The following KPNA4 variants were observed in gnomAD, a reference collection of about 807,000 sequenced individuals.
The protein encoded by KPNA4 is importin subunit alpha-3.
Under a neutral mutation model 71.3 loss-of-function variants are expected in KPNA4, and 13 were observed. The ratio of observed to expected loss-of-function variants is 0.18; its 90% CI spans 0.12 to 0.29. The LOEUF (loss-of-function observed/expected upper bound fraction) is 0.29. Among genes scored for constraint, KPNA4 ranks in the 10% least tolerant of loss-of-function variants. The pLI is 1.00. For missense variants in KPNA4, 334 were observed against 603.2 expected, an observed-to-expected ratio of 0.55 and a Z score of 4.67; for synonymous variants, 189 against 195.2, an observed-to-expected ratio of 0.97 and a Z score of 0.26.
intron 1 of KPNA4, among the ~76,000 whole-genome samples, chr3:160,538,600 T>C (rs1238545814): frequency 1.3e-5 from 2 of 152,138 alleles, no homozygotes; most frequent in Non-Finnish European, 2.9e-5. Flanking sequence ...TGTTCAAAAA[T>C]ATCCAAAGAC....
chr3:160,556,505 A>G (rs1162390286), intron 1 of KPNA4, among the ~76,000 whole-genome samples: 2 of 152,190 alleles, frequency 1.3e-5, no homozygotes, highest in Non-Finnish European at 2.9e-5. Flanking sequence ...ATTGGTCTTA[A>G]TTAAACTTTT....
rs1431673421 is a variant in KPNA4, at chr3:160,499,717, T to C, written c.*2387A>G. The C allele has an allele frequency of 6.6e-6, 1 of 152,170 alleles. No individual in the cohort carries two copies. The highest frequency in any genetic ancestry group is 1.5e-5 in the Non-Finnish European group (1 of 68,006). 9.4% of individuals were successfully genotyped at this position (152,170 alleles called of 1,614,324 possible). A position where few individuals can be genotyped will look rare whatever the true frequency, so the allele number is the denominator to read the frequency against. The stretch of plus-strand genomic sequence containing the variant: ...ACTGTTCTATACAATAATTTGTATA[T>C]AAAATTTGTATACAAGCTCATTGGC... On this transcript the variant is annotated 3_prime_UTR_variant, in exon 17 of 17. Coordinates refer to ENST00000334256, the MANE Select transcript of KPNA4 (RefSeq NM_002268.5).
chr3:160,535,400 T>C (rs1365137124), intron 5 of KPNA4, 113 bp downstream of exon 5: 4 of 644,070 alleles, frequency 6.2e-6, no homozygotes, highest in Non-Finnish European at 8.1e-6. Context: ...CTATTTACTA[T>C]TGTTTGTCAT....
chr3:160,519,801 CAAAAA>C (rs558355699), intron 11 of KPNA4, among the ~76,000 whole-genome samples: 3,900 of 83,528 alleles, frequency 0.047, 122 homozygotes, highest in African/African-American at 0.17. Flanking sequence ...GACTCCGTCT[CAAAAA>C]AAAAAAAAAA....
chr3:160,510,977 G>T (rs992099861), intron 13 of KPNA4, among the ~76,000 whole-genome samples: 1 of 151,546 alleles, frequency 6.6e-6, no homozygotes, highest in Admixed American at 6.6e-5. Context: ...TTTTGGTAGA[G>T]ACACGGTTTC....
At chr3:160,526,327 T>G (rs1291485449) in intron 8 of KPNA4, among the ~76,000 whole-genome samples, 1 of 152,234 alleles carries the variant, frequency 6.6e-6, no homozygotes, top group East Asian at 1.9e-4. Context: ...ATCTTCAGCA[T>G]TTTGCTGCTC....
intron 1 of KPNA4, among the ~76,000 whole-genome samples, chr3:160,553,796 G>A (rs1336854363): frequency 6.6e-6 from 1 of 152,166 alleles, no homozygotes; most frequent in East Asian, 1.9e-4. Context: ...TAAATCTCAA[G>A]GAGATATCAG....
intron 7 of KPNA4, among the ~76,000 whole-genome samples, chr3:160,530,501 AAAAAAC>A: frequency 6.6e-6 from 1 of 152,186 alleles, no homozygotes; most frequent in East Asian, 1.9e-4. Flanking sequence ...AACAACAACA[AAAAAAC>A]AAAAACAAAA....
intron 5 of KPNA4, among the ~76,000 whole-genome samples, chr3:160,535,093 G>A (rs939289777): frequency 6.6e-6 from 1 of 152,096 alleles, no homozygotes; most frequent in Non-Finnish European, 1.5e-5. Flanking sequence ...TGGATTTATT[G>A]TTTGATCAAT....
chr3:160,514,068 T>G lies in KPNA4; in HGVS notation c.1137+9A>C. 6.7e-7 allele frequency: 1 copy of G among 1,497,394 alleles called. No individual in the cohort carries two copies. The highest frequency in any genetic ancestry group is 2.4e-5 in the East Asian group (1 of 41,888). The allele number at this position is 1,497,394 out of a possible 1,614,324, so 92.8% of individuals were successfully genotyped here. A position where few individuals can be genotyped will look rare whatever the true frequency, so the allele number is the denominator to read the frequency against. ...CAGATAAATGATACATATAACATGA[T>G]TTTCTTACCTTATCCAAAAGGTGTA... is the stretch of plus-strand genomic sequence containing the variant. On this transcript the variant is annotated intron_variant, in intron 13 of 16. Transcript: ENST00000334256.
chr3:160,551,744 C>A (rs1722043562), intron 1 of KPNA4, among the ~76,000 whole-genome samples: 1 of 150,786 alleles, frequency 6.6e-6, no homozygotes, highest in African/African-American at 2.4e-5. Flanking sequence ...AAATGCCTAG[C>A]TAATTAAGAA....
intron 1 of KPNA4, among the ~76,000 whole-genome samples, chr3:160,560,965 C>T (rs1025132896): frequency 2.0e-5 from 3 of 151,918 alleles, no homozygotes; most frequent in Admixed American, 1.3e-4. Context: ...CTTAACAATG[C>T]TTTTCACTCT....
intron 11 of KPNA4, among the ~76,000 whole-genome samples, chr3:160,516,439 C>T (rs1052431315): frequency 9.6e-6 from 1 of 103,774 alleles, no homozygotes; most frequent in Non-Finnish European, 2.2e-5. Context: ...TTAGATAGTG[C>T]CATAAAAAAA....
chr3:160,524,085 T>C (rs181281897), intron 10 of KPNA4, among the ~76,000 whole-genome samples: 1 of 152,288 alleles, frequency 6.6e-6, no homozygotes, highest in East Asian at 1.9e-4. Context: ...ATAATTCAAA[T>C]CAAACTTCTA....
Position 160,508,170 on chromosome 3 carries a change from T to C in KPNA4, c.1309A>G (p.Asn437Asp). The change falls in exon 15 of 17, where the codon AAT becomes GAT. Residue 437 changes from asparagine to aspartate, a missense_variant. Coordinates refer to ENST00000334256, the MANE Select transcript of KPNA4 (RefSeq NM_002268.5). ...TCATCTTCAGCCATTTTTAATATATTACTTAGTCCATCGAGTACTACTTGC... is the reference window on the plus strand; with the variant it reads ...TCATCTTCAGCCATTTTTAATATATCACTTAGTCCATCGAGTACTACTTGC... Reference protein sequence around the residue: ...VVQVVLDGLSNILKMAEDEAE... With the variant: ...VVQVVLDGLSDILKMAEDEAE... 1 of 1,612,098 alleles carries C rather than the reference T, an allele frequency of 6.2e-7. No homozygotes were observed. The highest frequency in any genetic ancestry group is 8.5e-7 in the Non-Finnish European group (1 of 1,179,226).
chr3:160,515,903 T>C (rs535544725), intron 11 of KPNA4, among the ~76,000 whole-genome samples: 3 of 151,172 alleles, frequency 2.0e-5, no homozygotes, highest in Non-Finnish European at 3.0e-5. Context: ...GCATGAGCCA[T>C]TGTGCCCAGC....
chr3:160,540,841 G>A (rs1455751318), intron 1 of KPNA4, among the ~76,000 whole-genome samples: 1 of 152,198 alleles, frequency 6.6e-6, no homozygotes, highest in South Asian at 2.1e-4. Context: ...GACTGTTGCT[G>A]CTATTTCCTC....
At chr3:160,511,351 C>T (rs572137010) in intron 13 of KPNA4, among the ~76,000 whole-genome samples, 2 of 152,162 alleles carry the variant, frequency 1.3e-5, no homozygotes, top group South Asian at 4.1e-4. Context: ...ATGATCTGCC[C>T]GCCTCAGCCT....
intron 13 of KPNA4, among the ~76,000 whole-genome samples, chr3:160,512,975 A>G (rs1721129314): frequency 1.3e-5 from 2 of 152,206 alleles, no homozygotes; most frequent in African/African-American, 4.8e-5. Context: ...GGCTACCTAA[A>G]AACCATAGGT....
Sources: gnomAD v4.1 joint callset for allele counts (sites outside exome capture counted in the v4.1 genomes callset) on GRCh38, gnomAD v4.1.1 for gene constraint, MANE v1.5 for transcripts, NCBI Gene and HGNC (gene_info 2026-07-23, HGNC 2026-07-21) for gene names.